Variants in CDC14B observed in about 807,000 individuals in gnomAD.
The protein encoded by CDC14B is cell division cycle 14B.
CDC14B carries 22 observed loss-of-function variants against 64.2 expected under a neutral mutation model. That is an observed-to-expected ratio of 0.34 (90% CI 0.24 to 0.49). The LOEUF (loss-of-function observed/expected upper bound fraction) is 0.49. Among genes scored for constraint, CDC14B ranks in the 20% least tolerant of loss-of-function variants. The probability of loss-of-function intolerance (pLI) is 0.99; values close to 1 mark genes in which losing one functional copy is unlikely to be tolerated. For missense variants in CDC14B, 498 were observed against 629.9 expected (o/e 0.79, Z 2.24); for synonymous variants, 191 against 215.8 (o/e 0.89, Z 1.01).
intron 1 of CDC14B, among the ~76,000 whole-genome samples, chr9:96,607,229 T>C (rs1330848150): frequency 6.6e-6 from 1 of 151,948 alleles, no homozygotes; most frequent in Non-Finnish European, 1.5e-5. Flanking sequence ...GGTTGTCTTC[T>C]GAATCCATAA....
rs1251894904 is a variant in CDC14B at position 96,619,813 on chromosome 9, C to T, written c.-435G>A. The T allele has an allele frequency of 1.3e-5, 2 of 151,942 alleles. No individual in the cohort carries two copies. The highest frequency in any genetic ancestry group is 2.9e-5 in the Non-Finnish European group (2 of 67,912). 9.4% of individuals were successfully genotyped at this position (151,942 alleles called of 1,614,324 possible). A position where few individuals can be genotyped will look rare whatever the true frequency, so the allele number is the denominator to read the frequency against. ...AGCAGGACGCGGCTCGTGGGGACCC[C>T]AGGAGGGCTGTTCCGTGGCGCTTCA... is the stretch of plus-strand genomic sequence containing the variant. On this transcript the variant is annotated 5_prime_UTR_variant, in exon 1 of 14. Transcript: ENST00000375241.
intron 1 of CDC14B, among the ~76,000 whole-genome samples, chr9:96,583,647 C>T (rs1157346746): frequency 6.6e-6 from 1 of 152,038 alleles, no homozygotes; most frequent in Non-Finnish European, 1.5e-5. Flanking sequence ...CTGCCCGCCT[C>T]AGCCTCCCAA....
chr9:96,596,751 C>T (rs1004411910), intron 1 of CDC14B, among the ~76,000 whole-genome samples: 3 of 151,490 alleles, frequency 2.0e-5, no homozygotes, highest in Non-Finnish European at 2.9e-5. Flanking sequence ...GTCCCAGCTA[C>T]AGGAGGCTGA....
rs546953310 is a variant in CDC14B, at chr9:96,591,948, T to C, written c.161-26465A>G. ...TTTTAGTAGAGATGGGGTTTCACCG[T>C]GTTAGCCAGGATGGTCTCCATCTCC... is the stretch of plus-strand genomic sequence containing the variant. On this transcript the variant is annotated intron_variant, in intron 1 of 13. Coordinates refer to ENST00000375241, the MANE Select transcript of CDC14B (RefSeq NM_033331.4). Among the ~76,000 whole-genome samples the C allele has an allele frequency of 2.0e-5, 3 of 152,288 alleles. No homozygotes were observed. The South Asian group carries it at 6.2e-4, about 32-fold the overall frequency.
At chr9:96,605,809 C>G (rs1846868483) in intron 1 of CDC14B, among the ~76,000 whole-genome samples, 1 of 151,280 alleles carries the variant, frequency 6.6e-6, no homozygotes, top group Non-Finnish European at 1.5e-5. Context: ...TGCAGCGAGC[C>G]AAGATTAAGC....
At chr9:96,596,172 G>A (rs1846058963) in intron 1 of CDC14B, among the ~76,000 whole-genome samples, 2 of 151,964 alleles carry the variant, frequency 1.3e-5, no homozygotes, top group African/African-American at 2.4e-5. Context: ...GACTAGCCTG[G>A]CCAACATGGT....
rs1237772120 is a variant in CDC14B, at chr9:96,567,020, G to A, written c.161-1537C>T. The A allele has an allele frequency of 1.4e-5, 19 of 1,365,904 alleles. No individual in the cohort carries two copies. The African/African-American group carries it at 2.5e-4, about 18-fold the overall frequency. 84.6% of individuals were successfully genotyped at this position (1,365,904 alleles called of 1,614,324 possible). A position where few individuals can be genotyped will look rare whatever the true frequency, so the allele number is the denominator to read the frequency against. The stretch of plus-strand genomic sequence containing the variant: ...GTCCCCAAGTCCTGGAAAAAGCCCC[G>A]CGCGCGACGAGGCCGTGGGGACGGA... On this transcript the variant is annotated intron_variant, in intron 1 of 13. Transcript: ENST00000375241.
chr9:96,499,704 G>T (rs562461727), downstream of CDC14B, among the ~76,000 whole-genome samples: 1 of 152,240 alleles, frequency 6.6e-6, no homozygotes, highest in Non-Finnish European at 1.5e-5. Context: ...CTTCAGATGT[G>T]GCTCTATGTG....
At chr9:96,533,900 A>G (rs1164599025) in intron 9 of CDC14B, 27 bp downstream of exon 9, 3 of 1,444,520 alleles carry the variant, frequency 2.1e-6, no homozygotes, top group Admixed American at 3.8e-5. Flanking sequence ...ACTGTATACT[A>G]TTCTTTAACC....
intron 7 of CDC14B, among the ~76,000 whole-genome samples, chr9:96,536,146 A>G (rs1839231895): frequency 6.6e-6 from 1 of 152,226 alleles, no homozygotes; most frequent in Non-Finnish European, 1.5e-5. Context: ...CACTATCCCC[A>G]AATTTCTAAA....
Position 96,503,374 on chromosome 9 carries a change from A to G in CDC14B, c.*379T>C, listed in dbSNP as rs925240072. On this transcript the variant is annotated 3_prime_UTR_variant, in exon 14 of 14. Coordinates refer to ENST00000375241, the MANE Select transcript of CDC14B (RefSeq NM_033331.4). ...CACAAGGTGAACAGAAAATAAATAC[A>G]TAAAAAACCTCCATCAGATCCTCAA... 1.4e-5 allele frequency: 3 copies of G among 219,728 alleles called. No homozygotes were observed. Among genetic ancestry groups the G allele is most frequent in the Non-Finnish European group, 2.6e-5 (3 of 114,014 alleles). The allele number at this position is 219,728 out of a possible 1,614,324, so 13.6% of individuals were successfully genotyped here.
At chr9:96,576,467 C>T (rs1469116329) in intron 1 of CDC14B, among the ~76,000 whole-genome samples, 2 of 151,482 alleles carry the variant, frequency 1.3e-5, no homozygotes, top group Non-Finnish European at 2.9e-5. Flanking sequence ...CCCTTCTCTA[C>T]TAAAAATACA....
At chr9:96,514,146 C>A (rs1835290193) in intron 12 of CDC14B, among the ~76,000 whole-genome samples, 1 of 152,170 alleles carries the variant, frequency 6.6e-6, no homozygotes, top group Admixed American at 6.5e-5. Flanking sequence ...TTACCAATAA[C>A]AACAGAAGGT....
chr9:96,565,226 T>C (rs2132320079), intron 2 of CDC14B, among the ~76,000 whole-genome samples, 167 bp downstream of exon 2: 1 of 151,536 alleles, frequency 6.6e-6, no homozygotes, highest in East Asian at 1.9e-4. Flanking sequence ...TAGGGAGGTT[T>C]TTTTTTTTTT....
intron 1 of CDC14B, among the ~76,000 whole-genome samples, chr9:96,583,970 G>C (rs1442990375): frequency 3.3e-5 from 5 of 151,770 alleles, no homozygotes; most frequent in African/African-American, 1.2e-4. Flanking sequence ...CGCCTGCCTC[G>C]GCCTCCCAAA....
chr9:96,494,725 T>A (rs1360276545), intron 13 of CDC14B, among the ~76,000 whole-genome samples: 1 of 151,284 alleles, frequency 6.6e-6, no homozygotes, highest in South Asian at 2.1e-4. Flanking sequence ...TCCTTTCCTT[T>A]CCTTTCTTTC....
intron 4 of CDC14B, among the ~76,000 whole-genome samples, chr9:96,556,944 G>A (rs886849147): frequency 6.6e-6 from 1 of 152,168 alleles, no homozygotes; most frequent in African/African-American, 2.4e-5. Flanking sequence ...TCCTCTGGCC[G>A]TATTTATAGA....
chr9:96,540,520 T>A (rs557357566), intron 6 of CDC14B, among the ~76,000 whole-genome samples: 135 of 151,654 alleles, frequency 8.9e-4, no homozygotes, highest in African/African-American at 3.2e-3. Flanking sequence ...AAATTTAATT[T>A]TAAAAAAACC....
At chr9:96,604,607 C>A (rs1463721391) in intron 1 of CDC14B, among the ~76,000 whole-genome samples, 1 of 151,122 alleles carries the variant, frequency 6.6e-6, no homozygotes, top group South Asian at 2.1e-4. Flanking sequence ...CTCAAACTCC[C>A]GACCTCACGT....
Sources: gnomAD v4.1 joint callset for allele counts (sites outside exome capture counted in the v4.1 genomes callset) on GRCh38, gnomAD v4.1.1 for gene constraint, MANE v1.5 for transcripts, NCBI Gene and HGNC (gene_info 2026-07-23, HGNC 2026-07-21) for gene names.